Variants in USP34 observed in about 807,000 individuals in gnomAD.
USP34 encodes ubiquitin specific peptidase 34, also known as ubiquitin carboxyl-terminal hydrolase 34.
In USP34, 70 loss-of-function variants were observed where a neutral mutation model predicts 460.3. The observed-to-expected ratio is 0.15, with a 90% confidence interval of 0.13 to 0.19. USP34 has a LOEUF of 0.19. Ranked by LOEUF, USP34 falls within the 10% of genes least tolerant of loss-of-function variation. The probability of loss-of-function intolerance (pLI) is 1.00; values close to 1 mark genes in which losing one functional copy is unlikely to be tolerated. For missense variants in USP34, 3,985 were observed against 4,236.2 expected (o/e 0.94, Z 1.65); for synonymous variants, 1,647 against 1,405.3 (o/e 1.17, Z -3.85).
intron 1 of USP34, among the ~76,000 whole-genome samples, chr2:61,467,075 G>T (rs1397955441): frequency 1.3e-5 from 2 of 152,010 alleles, no homozygotes; most frequent in Non-Finnish European, 2.9e-5. Context: ...GGAGACGGAA[G>T]CGGGTAGATC....
rs143876604 is a variant in USP34 at position 61,379,018 on chromosome 2, A to G, written c.1015-594T>C. 3.1e-4 allele frequency among the ~76,000 whole-genome samples: 47 copies of G among 152,042 alleles called. No homozygotes were observed. The Middle Eastern group carries it at 0.017, about 55-fold the overall frequency. ...AAAATAAAGCTGAGTAAGTAAAAAAACACAACAATTTAACGCAAGAGAGCA... is the reference window on the plus strand; with the variant it reads ...AAAATAAAGCTGAGTAAGTAAAAAAGCACAACAATTTAACGCAAGAGAGCA... On this transcript the variant is annotated intron_variant, in intron 7 of 79. Transcript: ENST00000398571.
Position 61,189,061 on chromosome 2 carries a change from C to T in USP34, c.9882G>A (p.Arg3294=), listed in dbSNP as rs531770634. The T allele has an allele frequency of 6.2e-7, 1 of 1,610,598 alleles. No individual in the cohort carries two copies. The highest frequency in any genetic ancestry group is 1.7e-5 in the Admixed American group (1 of 59,152). ...KASASLNGDL[R]ALALLLSVHT... is the part of the protein sequence containing the mutation. ...GTACTGACAGGAGCAAAGCGAGTGC[C>T]CTCAGGTCCTACAAAAACCCAGATA... The change falls in exon 79 of 80, where the codon AGG becomes AGA. Residue 3294 remains arginine, a synonymous_variant. Coordinates refer to ENST00000398571, the MANE Select transcript of USP34 (RefSeq NM_014709.4).
Position 61,187,515 on chromosome 2 carries a change from A to G in USP34, c.*587T>C, listed in dbSNP as rs201913510. On this transcript the variant is annotated 3_prime_UTR_variant, in exon 80 of 80. Coordinates refer to ENST00000398571, the MANE Select transcript of USP34 (RefSeq NM_014709.4). ...AAGTGCACAGAATAGCAATCAATCA[A>G]TCAGTCATGTCAATAAAAATAAAAC... The G allele has an allele frequency of 9.3e-5, 46 of 496,360 alleles. No homozygotes were observed. The highest frequency in any genetic ancestry group is 1.1e-4 in the Non-Finnish European group (44 of 398,388). The allele number at this position is 496,360 out of a possible 1,614,324, so 30.7% of individuals were successfully genotyped here.
At chr2:61,230,272 A>G (rs1371185535) in intron 58 of USP34, among the ~76,000 whole-genome samples, 1 of 152,122 alleles carries the variant, frequency 6.6e-6, no homozygotes, top group Non-Finnish European at 1.5e-5. Flanking sequence ...GCTCAAGCCT[A>G]TAATCCCAGC....
intron 43 of USP34, among the ~76,000 whole-genome samples, chr2:61,262,606 T>G (rs992414491): frequency 2.0e-5 from 3 of 152,198 alleles, no homozygotes; most frequent in African/African-American, 7.2e-5. Flanking sequence ...TGTAGGTTGA[T>G]TCCATGTTTT....
chr2:61,466,811 C>G (rs185786943), intron 1 of USP34, among the ~76,000 whole-genome samples: 27 of 151,428 alleles, frequency 1.8e-4, no homozygotes, highest in Admixed American at 4.0e-4. Context: ...ACTCAGGAGG[C>G]TGAGGCAGAA....
At chr2:61,410,342 T>C (rs1694001578) in intron 2 of USP34, among the ~76,000 whole-genome samples, 1 of 152,156 alleles carries the variant, frequency 6.6e-6, no homozygotes, top group African/African-American at 2.4e-5. Context: ...GTTCACAACA[T>C]GATTCATGCT....
At chr2:61,265,837 T>C (rs1396150247) in intron 42 of USP34, 147 bp downstream of exon 42, 1 of 844,118 alleles carries the variant, frequency 1.2e-6, no homozygotes, top group Non-Finnish European at 1.6e-6. Flanking sequence ...CATCAATGTT[T>C]ACTTTTTAAC....
chr2:61,340,712 T>C (rs1023718374), intron 16 of USP34, among the ~76,000 whole-genome samples: 4 of 152,206 alleles, frequency 2.6e-5, no homozygotes, highest in African/African-American at 9.6e-5. Context: ...ATTAGCCATG[T>C]GTATACCTCT....
intron 1 of USP34, among the ~76,000 whole-genome samples, chr2:61,450,115 G>A (rs1695228728): frequency 6.6e-6 from 1 of 151,700 alleles, no homozygotes. Flanking sequence ...AAAAAGGACT[G>A]AAGTACTGGC....
chr2:61,261,267 G>A (rs986517950), intron 43 of USP34, among the ~76,000 whole-genome samples: 2 of 152,188 alleles, frequency 1.3e-5, no homozygotes, highest in African/African-American at 4.8e-5. Flanking sequence ...AGTATCCACT[G>A]ATAAGTGAAA....
intron 43 of USP34, among the ~76,000 whole-genome samples, chr2:61,261,610 C>CGTGATGTATTTATA (rs1688880186): frequency 6.6e-6 from 1 of 151,990 alleles, no homozygotes; most frequent in Non-Finnish European, 1.5e-5. Context: ...GTATTTAATC[C>CGTGATGTATTTATA]CATCAACTGT....
At chr2:61,224,393 G>C (rs1460084981) in intron 62 of USP34, among the ~76,000 whole-genome samples, 1 of 152,122 alleles carries the variant, frequency 6.6e-6, no homozygotes, top group East Asian at 1.9e-4. Flanking sequence ...ATGAGATCTA[G>C]GTTTGACTTT....
intron 1 of USP34, among the ~76,000 whole-genome samples, chr2:61,433,343 T>A (rs569062649): frequency 6.6e-6 from 1 of 152,262 alleles, no homozygotes; most frequent in East Asian, 1.9e-4. Context: ...TCCTTACAAG[T>A]GGCGAATCGG....
intron 27 of USP34, 40 bp downstream of exon 27, chr2:61,311,500 G>GAGAGAA (rs766044431): frequency 1.3e-5 from 6 of 452,816 alleles, no homozygotes; most frequent in Non-Finnish European, 1.8e-5. Flanking sequence ...AAGAAAGAAA[G>GAGAGAA]AGAGAAAGAG....
rs528555320 is a variant in USP34, at chr2:61,257,106, T to C, written c.5994A>G (p.Lys1998=). ...TKIEEMSPEL[K]NTVKSLFGGV... ...CTCCAAATAAACTTTTGACGGTATT[T>C]TTCTTTAATATAAAACAAACAAAAA... The change falls in exon 46 of 80, where the codon AAA becomes AAG. Residue 1998 remains lysine, a splice_region_variant and synonymous_variant. Transcript: ENST00000398571. 1.3e-6 allele frequency: 2 copies of C among 1,578,234 alleles called. No homozygotes were observed. Among genetic ancestry groups the C allele is most frequent in the East Asian group, 2.2e-5 (1 of 44,592 alleles).
intron 1 of USP34, among the ~76,000 whole-genome samples, chr2:61,422,237 C>T (rs1321641930): frequency 6.6e-6 from 1 of 152,206 alleles, no homozygotes; most frequent in Admixed American, 6.5e-5. Flanking sequence ...GAAGGGATCA[C>T]AGTACGCCAT....
chr2:61,245,941 G>A (rs932359260), intron 50 of USP34, among the ~76,000 whole-genome samples: 3 of 152,106 alleles, frequency 2.0e-5, no homozygotes, highest in Non-Finnish European at 4.4e-5. Context: ...AAGTGTGTGT[G>A]GTCCTCCCAA....
chr2:61,229,754 T>C, intron 58 of USP34, 121 bp from the exon 59 acceptor site: 1 of 772,586 alleles, frequency 1.3e-6, no homozygotes, highest in Non-Finnish European at 2.1e-6. Flanking sequence ...TATCTTGGTA[T>C]TCTGGAGCTC....
Sources: allele counts gnomAD v4.1 joint callset (sites outside exome capture counted in the v4.1 genomes callset), GRCh38; gene constraint gnomAD v4.1.1; transcripts MANE v1.5; gene names NCBI Gene and HGNC (gene_info 2026-07-23, HGNC 2026-07-21).